Variants in TG observed in about 807,000 individuals in gnomAD.
TG encodes the protein thyroglobulin.
TG carries 270 observed loss-of-function variants against 324.7 expected under a neutral mutation model. That is an observed-to-expected ratio of 0.83 (90% CI 0.75 to 0.92). The LOEUF (loss-of-function observed/expected upper bound fraction) is 0.92, where lower values mean the gene tolerates loss of function less well. Ranked by LOEUF, TG falls within the 40% of genes least tolerant of loss-of-function variation. The pLI is 0.00. For missense variants in TG, 3,591 were observed against 3,456.4 expected (o/e 1.04, Z -0.98); for synonymous variants, 1,401 against 1,327.0 (o/e 1.06, Z -1.21).
chr8:132,899,700 C>T (rs1461208068), intron 14 of TG, among the ~76,000 whole-genome samples: 1 of 152,180 alleles, frequency 6.6e-6, no homozygotes, highest in Non-Finnish European at 1.5e-5. Flanking sequence ...TTCTGCTTCT[C>T]CTTCCTGGGC....
Position 132,882,533 on chromosome 8 carries a change from C to G in TG, c.810C>G (p.Thr270=), listed in dbSNP as rs766157226. The part of the protein sequence containing the change: ...TIFAGLDLPS[T]FTETTLYRIL... Reference sequence around the variant, plus strand: ...TTGCTGGCCTGGACCTTCCTTCCACCTTCACTGAAACCACCCTGTACCGGA... The same window carrying G: ...TTGCTGGCCTGGACCTTCCTTCCACGTTCACTGAAACCACCCTGTACCGGA... Residue 270 remains threonine (T), a synonymous_variant, in exon 7 of 48, where the codon ACC becomes ACG. Coordinates refer to ENST00000220616, the MANE Select transcript of TG (RefSeq NM_003235.5). 15 of 1,614,082 alleles carry G rather than the reference C, an allele frequency of 9.3e-6. No individual in the cohort carries two copies. In the Admixed American group the frequency reaches 2.5e-4, roughly 27 times the overall value.
chr8:133,063,988 A>G (rs1265736637), intron 41 of TG: 1 of 152,236 alleles, frequency 6.6e-6, no homozygotes, highest in Non-Finnish European at 1.5e-5. Flanking sequence ...TAAGAACAAT[A>G]GAAAAGGGCA....
chr8:133,067,916 A>AAGGAAGGAAGG lies in TG; in HGVS notation c.7240-27127_7240-27126insGGAAGGAAGGA, dbSNP rs1491304237. Among the ~76,000 whole-genome samples the AAGGAAGGAAGG allele has an allele frequency of 4.4e-4, 40 of 91,934 alleles. 1 individual carries two copies. Among genetic ancestry groups the AAGGAAGGAAGG allele is most frequent in the African/African-American group, 1.5e-3 (37 of 24,550 alleles). The allele number at this position is 91,934 out of a possible 152,430, so 60.3% of individuals were successfully genotyped here. On this transcript the variant is annotated intron_variant, in intron 41 of 47. Transcript: ENST00000220616. ...TATGGAAGGAAGGAAGGAAGGAAGG[A>AAGGAAGGAAGG]AAGAGAGAGAGAGAGAAAGAAAGAA...
At chr8:132,939,820 A>G (rs1443701651) in intron 25 of TG, among the ~76,000 whole-genome samples, 1 of 151,848 alleles carries the variant, frequency 6.6e-6, no homozygotes, top group Admixed American at 6.6e-5. Context: ...GGGACTACAG[A>G]CGTGCACCAT....
intron 43 of TG, among the ~76,000 whole-genome samples, chr8:133,100,510 A>G (rs1849076540): frequency 6.6e-6 from 1 of 152,240 alleles, no homozygotes; most frequent in South Asian, 2.1e-4. Context: ...ATTATGAAGA[A>G]CTGACTATGT....
At chr8:132,969,667 C>A in intron 32 of TG, 98 bp downstream of exon 32, 1 of 934,358 alleles carries the variant, frequency 1.1e-6, no homozygotes, top group Non-Finnish European at 1.7e-6. Context: ...ATACCCAGCA[C>A]TTTGGGAGGC....
chr8:132,893,169 G>A (rs575753094), intron 10 of TG, among the ~76,000 whole-genome samples: 1 of 140,504 alleles, frequency 7.1e-6, no homozygotes. Context: ...GGTGAGTGTG[G>A]TGTGTGTGTG....
At chr8:133,133,919 G>C (rs1159418137) in intron 47 of TG, among the ~76,000 whole-genome samples, 6 of 152,180 alleles carry the variant, frequency 3.9e-5, no homozygotes, top group African/African-American at 1.2e-4. Context: ...GAAGGTCTAT[G>C]GGGGGTAGAA....
intron 43 of TG, among the ~76,000 whole-genome samples, chr8:133,098,899 C>T (rs1035809709): frequency 2.0e-5 from 3 of 152,174 alleles, no homozygotes; most frequent in Non-Finnish European, 4.4e-5. Flanking sequence ...GGTTCAAGCA[C>T]GGTCCCAGGA....
chr8:133,012,803 T>C lies in TG; in HGVS notation c.6397+768T>C, dbSNP rs760567690. Among the ~76,000 whole-genome samples, 3 of 152,358 alleles carry C rather than the reference T, an allele frequency of 2.0e-5. No individual in the cohort carries two copies. In the South Asian group the frequency reaches 6.2e-4, roughly 32 times the overall value. ...CTCTGGGTGGTACCATTCACAGAAATTGAGCTATAAATAGGGCTCTTAGGC... is the reference window on the plus strand; with the variant it reads ...CTCTGGGTGGTACCATTCACAGAAACTGAGCTATAAATAGGGCTCTTAGGC... On this transcript the variant is annotated intron_variant, in intron 36 of 47. Coordinates refer to ENST00000220616, the MANE Select transcript of TG (RefSeq NM_003235.5).
rs869164425 is a variant in TG, at chr8:132,973,988, CTT to C, written c.6199+1268_6199+1269del. On this transcript the variant is annotated intron_variant, in intron 34 of 47. Transcript: ENST00000220616. ...TCGAGATCCCTACATTTGACCATTC[CTT>C]TTTTTTTTTTTTTTTTTTTTGAGGC... Among the ~76,000 whole-genome samples, 834 of 112,956 alleles carry C rather than the reference CTT, an allele frequency of 7.4e-3. 2 individuals are homozygous for C. The highest frequency in any genetic ancestry group is 0.029 in the African/African-American group (742 of 25,552). 74.1% of individuals were successfully genotyped at this position (112,956 alleles called of 152,430 possible).
In TG at chr8:132,972,574, T is replaced by TG. The variant is rs994219356; in HGVS notation, c.6056-24_6056-23insG. ...TACTCAGTTTCCTGATTGTGGTTTT[T>TG]TGTTTTTTTTTTTTCCACCCCAGGA... On this transcript the variant is annotated intron_variant, in intron 33 of 47. Transcript: ENST00000220616. 2.7e-6 allele frequency: 4 copies of TG among 1,475,888 alleles called. No individual in the cohort carries two copies. In the African/African-American group the frequency reaches 4.4e-5, roughly 16 times the overall value. The allele number at this position is 1,475,888 out of a possible 1,614,324, so 91.4% of individuals were successfully genotyped here. A position where few individuals can be genotyped will look rare whatever the true frequency, so the allele number is the denominator to read the frequency against.
At position 133,131,958 on chromosome 8, in the gene TG, C is replaced by T; in HGVS notation, c.7997+12C>T. The T allele has an allele frequency of 6.2e-7, 1 of 1,613,938 alleles. No individual in the cohort carries two copies. Among genetic ancestry groups the T allele is most frequent in the Non-Finnish European group, 8.5e-7 (1 of 1,179,976 alleles). On this transcript the variant is annotated intron_variant, in intron 46 of 47. Coordinates refer to ENST00000220616, the MANE Select transcript of TG (RefSeq NM_003235.5). ...TTCATCAGATCAGGGTAATTTTGGA[C>T]CACTTGTTCAGAATTCTGTCACTGT...
At chr8:133,073,431 C>T (rs1266356864) in intron 41 of TG, among the ~76,000 whole-genome samples, 1 of 152,166 alleles carries the variant, frequency 6.6e-6, no homozygotes, top group African/African-American at 2.4e-5. Flanking sequence ...TCTCAGCTCA[C>T]TGCAACCTGC....
In TG at chr8:133,128,805, C is replaced by G. The variant is rs558183147; in HGVS notation, c.7863-3007C>G. ...GATGACAAGTAAAAGCTAAATGCCT[C>G]CAGGCTGACCATATACTGACACAGC... On this transcript the variant is annotated intron_variant, in intron 45 of 47. Transcript: ENST00000220616. 7.9e-5 allele frequency among the ~76,000 whole-genome samples: 12 copies of G among 152,316 alleles called. No homozygotes were observed. The South Asian group carries it at 2.5e-3, about 32-fold the overall frequency.
At chr8:132,983,532 A>G in intron 35 of TG, 120 bp downstream of exon 35, 1 of 1,015,744 alleles carries the variant, frequency 9.8e-7, no homozygotes. Context: ...CATTAATTCC[A>G]GCTCCTATGA....
intron 33 of TG, 177 bp from the exon 34 acceptor site, chr8:132,972,421 T>G: frequency 1.5e-6 from 1 of 686,990 alleles, no homozygotes; most frequent in Non-Finnish European, 2.4e-6. Context: ...GATCAGAGGC[T>G]CCTTGAGTTC....
At chr8:132,910,310 G>A (rs899395679) in intron 18 of TG, among the ~76,000 whole-genome samples, 1 of 152,164 alleles carries the variant, frequency 6.6e-6, no homozygotes, top group Non-Finnish European at 1.5e-5. Context: ...AAGGCTGAGG[G>A]CCAGGGCCAC....
intron 41 of TG, among the ~76,000 whole-genome samples, chr8:133,082,280 G>T (rs1228862647): frequency 6.6e-6 from 1 of 152,100 alleles, no homozygotes. Flanking sequence ...TATCTGTTTG[G>T]CCAGTTATTG....
Sources: gnomAD v4.1 joint callset for allele counts (sites outside exome capture counted in the v4.1 genomes callset) on GRCh38, gnomAD v4.1.1 for gene constraint, MANE v1.5 for transcripts, NCBI Gene and HGNC (gene_info 2026-07-23, HGNC 2026-07-21) for gene names.